The following SH3KBP1 variants were observed in gnomAD, a reference collection of about 807,000 sequenced individuals.
SH3KBP1 encodes SH3 domain containing kinase binding protein 1.
SH3KBP1 carries 8 observed loss-of-function variants against 50.1 expected under a neutral mutation model. That is an observed-to-expected ratio of 0.16 (90% confidence interval 0.09 to 0.29). SH3KBP1 has a LOEUF of 0.29. Ranked by LOEUF, SH3KBP1 falls within the 10% of genes least tolerant of loss-of-function variation. The pLI is 1.00. For synonymous variants in SH3KBP1, 227 were observed against 218.6 expected, an observed-to-expected ratio of 1.04 and a Z score of -0.34; for missense variants, 377 against 535.2, an observed-to-expected ratio of 0.70 and a Z score of 2.92.
Position 19,728,687 on chromosome X carries a change from C to T in SH3KBP1, c.286+17631G>A, listed in dbSNP as rs572333116. Reference sequence around the variant, plus strand: ...GGACCCCAATATTTCTTCCTGGGAACGTTGGGGAGGGTTTGCAAAGAGAGA... The same window carrying T: ...GGACCCCAATATTTCTTCCTGGGAATGTTGGGGAGGGTTTGCAAAGAGAGA... On this transcript the variant is annotated intron_variant, in intron 3 of 17. Transcript: ENST00000397821. Among the ~76,000 whole-genome samples the T allele has an allele frequency of 9.0e-5, 10 of 111,652 alleles. No individual in the cohort carries two copies. The South Asian group carries it at 2.6e-3, about 30-fold the overall frequency.
In SH3KBP1 at chrX:19,542,330, A is replaced by G; in HGVS notation, c.1624-137T>C. On this transcript the variant is annotated intron_variant, in intron 15 of 17. Transcript: ENST00000397821. ...ACTCCATTCACTTGTTCCTTCATCC[A>G]CAAGCCACCAAGGGCCTGCTTGGTA... is the stretch of plus-strand genomic sequence containing the variant. 6.4e-6 allele frequency: 4 copies of G among 629,314 alleles called. No homozygotes were observed. In the Admixed American group the frequency reaches 1.8e-4, roughly 28 times the overall value. 51.9% of individuals were successfully genotyped at this position (629,314 alleles called of 1,213,427 possible). A position where few individuals can be genotyped will look rare whatever the true frequency, so the allele number is the denominator to read the frequency against.
intron 1 of SH3KBP1, among the ~76,000 whole-genome samples, chrX:19,875,000 G>C (rs2069201723): frequency 9.1e-6 from 1 of 110,103 alleles, no homozygotes; most frequent in Non-Finnish European, 1.9e-5. Flanking sequence ...GCAGGAGGGA[G>C]GAGATAGGCA....
At chrX:19,872,081 G>C (rs1022561912) in intron 1 of SH3KBP1, among the ~76,000 whole-genome samples, 1 of 107,908 alleles carries the variant, frequency 9.3e-6, no homozygotes, top group Admixed American at 1.0e-4. Context: ...GTGAAACCCT[G>C]TCTCTACTAA....
chrX:19,874,068 A>AATATAT lies in SH3KBP1; in HGVS notation c.4+13233_4+13238dup, dbSNP rs1412019430. ...CATCTCAAAAAAAAAAAAAAAAAAA[A>AATATAT]ATATATATATATATATATAAAACTC... On this transcript the variant is annotated intron_variant, in intron 1 of 17. Coordinates refer to ENST00000397821, the MANE Select transcript of SH3KBP1 (RefSeq NM_031892.3). Among the ~76,000 whole-genome samples the AATATAT allele has an allele frequency of 1.2e-3, 71 of 57,009 alleles. 1 individual carries two copies. The highest frequency in any genetic ancestry group is 7.5e-3 in the African/African-American group (47 of 6,302). 49.5% of individuals were successfully genotyped at this position (57,009 alleles called of 115,157 possible).
intron 6 of SH3KBP1, among the ~76,000 whole-genome samples, chrX:19,667,036 A>G (rs1356933563): frequency 8.9e-6 from 1 of 112,530 alleles, no homozygotes; most frequent in East Asian, 2.8e-4. Context: ...AGAAATTCTG[A>G]TATGTGCCAC....
intron 12 of SH3KBP1, among the ~76,000 whole-genome samples, chrX:19,570,562 CAGG>C (rs1217039092): frequency 1.8e-5 from 2 of 111,534 alleles, no homozygotes; most frequent in Non-Finnish European, 3.8e-5. Context: ...ACGGTTGTAG[CAGG>C]AGACCTGTAT....
chrX:19,809,197 C>T (rs1221261300), intron 2 of SH3KBP1, among the ~76,000 whole-genome samples: 1 of 111,557 alleles, frequency 9.0e-6, no homozygotes, highest in Non-Finnish European at 1.9e-5. Context: ...CAGAAATTGT[C>T]CTGAAAAAAT....
intron 2 of SH3KBP1, among the ~76,000 whole-genome samples, chrX:19,826,237 C>A (rs2067667478): frequency 8.9e-6 from 1 of 112,153 alleles, no homozygotes; most frequent in Admixed American, 9.4e-5. Context: ...CTAAAACTAT[C>A]ATCCTCTAGA....
chrX:19,771,635 G>A (rs112165011), intron 2 of SH3KBP1, among the ~76,000 whole-genome samples: 4,200 of 111,398 alleles, frequency 0.038, 93 homozygotes, highest in Non-Finnish European at 0.062. Context: ...GGGCCAAAGC[G>A]GGCAGATCGC....
chrX:19,632,469 A>G (rs1413289362), intron 7 of SH3KBP1, among the ~76,000 whole-genome samples: 1 of 112,877 alleles, frequency 8.9e-6, no homozygotes, highest in Non-Finnish European at 1.9e-5. Flanking sequence ...ACAAATGTCA[A>G]TGTATTTCTA....
intron 7 of SH3KBP1, among the ~76,000 whole-genome samples, chrX:19,644,659 T>G (rs1172786113): frequency 8.9e-6 from 1 of 112,656 alleles, no homozygotes; most frequent in East Asian, 2.8e-4. Context: ...AGACTTCACA[T>G]GAAGAGAGCA....
At chrX:19,750,010 A>C (rs934784832) in intron 2 of SH3KBP1, among the ~76,000 whole-genome samples, 1 of 111,450 alleles carries the variant, frequency 9.0e-6, no homozygotes, top group Non-Finnish European at 1.9e-5. Context: ...AGGTCAGACA[A>C]GTAGGAGCCA....
intron 12 of SH3KBP1, among the ~76,000 whole-genome samples, chrX:19,584,393 C>T (rs1435779611): frequency 1.9e-5 from 2 of 105,013 alleles, no homozygotes; most frequent in African/African-American, 7.0e-5. Flanking sequence ...GCAGTGGCAC[C>T]ATCACAGTTC....
intron 13 of SH3KBP1, among the ~76,000 whole-genome samples, chrX:19,562,044 T>A (rs759969514): frequency 9.0e-6 from 1 of 111,339 alleles, no homozygotes; most frequent in South Asian, 3.8e-4. Flanking sequence ...CTCCAACTGC[T>A]AATCACTTTT....
chrX:19,831,589 C>A (rs748710300), intron 2 of SH3KBP1, among the ~76,000 whole-genome samples: 1 of 106,949 alleles, frequency 9.4e-6, no homozygotes, highest in Non-Finnish European at 1.9e-5. Context: ...GTAGGGAGTT[C>A]GAGACCAGCC....
rs773993367 is a variant in SH3KBP1, at chrX:19,826,051, A to G, written c.162+10074T>C. The stretch of plus-strand genomic sequence containing the variant: ...TGCAGCCATTATTACTCCATAAAGT[A>G]ACACAGCCATCAGGGCCAAAAAGCT... On this transcript the variant is annotated intron_variant, in intron 2 of 17. Transcript: ENST00000397821. 8.9e-5 allele frequency among the ~76,000 whole-genome samples: 10 copies of G among 112,275 alleles called. No individual in the cohort carries two copies. In the East Asian group the frequency reaches 2.8e-3, roughly 31 times the overall value.
intron 8 of SH3KBP1, among the ~76,000 whole-genome samples, chrX:19,624,993 AAC>A (rs2067968967): frequency 8.9e-6 from 1 of 111,917 alleles, no homozygotes; most frequent in Admixed American, 9.5e-5. Flanking sequence ...TCACCCTTGG[AAC>A]CACATTTAAT....
chrX:19,743,135 C>T (rs2064819740), intron 3 of SH3KBP1, among the ~76,000 whole-genome samples: 1 of 112,117 alleles, frequency 8.9e-6, no homozygotes, highest in Admixed American at 9.4e-5. Context: ...CAGCCAGTCA[C>T]AGTGGCTTAT....
rs184405768 is a variant in SH3KBP1 at position 19,879,081 on chromosome X, A to C, written c.4+8226T>G. Among the ~76,000 whole-genome samples the C allele has an allele frequency of 1.9e-3, 217 of 111,284 alleles. 1 individual carries two copies. Among genetic ancestry groups the C allele is most frequent in the African/African-American group, 6.6e-3 (202 of 30,627 alleles). On this transcript the variant is annotated intron_variant, in intron 1 of 17. Coordinates refer to ENST00000397821, the MANE Select transcript of SH3KBP1 (RefSeq NM_031892.3). ...CAACATGGCGAAGCCCCATCTCTAC[A>C]AAAAAATACAAAAATTAGCTGGGCG...
Sources: allele counts gnomAD v4.1 joint callset (sites outside exome capture counted in the v4.1 genomes callset), GRCh38; gene constraint gnomAD v4.1.1; transcripts MANE v1.5; gene names NCBI Gene and HGNC (gene_info 2026-07-23, HGNC 2026-07-21).